The following METTL5 variants were observed in gnomAD, a reference collection of about 807,000 sequenced individuals.
METTL5 encodes the protein methyltransferase 5, N6-adenosine.
A neutral mutation model predicts 26.5 loss-of-function variants in METTL5; 28 were observed. That is an observed-to-expected ratio of 1.06 (90% CI 0.78 to 1.45). METTL5 has a LOEUF of 1.45. METTL5 is among the 40% of genes most tolerant of loss of function. METTL5 has a pLI of 0.00. For synonymous variants in METTL5, 86 were observed against 82.6 expected (o/e 1.04, Z -0.22); for missense variants, 231 against 249.9 (o/e 0.92, Z 0.51).
intron 4 of METTL5, among the ~76,000 whole-genome samples, chr2:169,819,031 C>G (rs1355679182): frequency 6.6e-6 from 1 of 152,240 alleles, no homozygotes; most frequent in Non-Finnish European, 1.5e-5. Context: ...CTGTTCCTAA[C>G]TATTGTGTTA....
chr2:169,818,239 T>C (rs775909091), intron 4 of METTL5, among the ~76,000 whole-genome samples: 9 of 152,236 alleles, frequency 5.9e-5, no homozygotes, highest in Non-Finnish European at 1.0e-4. Context: ...ACATGTGTTA[T>C]CAATAATTCA....
intron 4 of METTL5, among the ~76,000 whole-genome samples, chr2:169,817,008 A>G (rs1006693693): frequency 2.0e-5 from 3 of 152,244 alleles, no homozygotes; most frequent in African/African-American, 4.8e-5. Flanking sequence ...GGCAGCCTAC[A>G]GAATGGGAGA....
At chr2:169,815,638 A>G (rs1280734641) in intron 4 of METTL5, 110 bp from the exon 5 acceptor site, 6 of 692,344 alleles carry the variant, frequency 8.7e-6, no homozygotes, top group Non-Finnish European at 1.4e-5. Flanking sequence ...TTTCATTAGA[A>G]TCTAGACCCT....
intron 5 of METTL5, 192 bp from the exon 6 acceptor site, chr2:169,812,698 T>A (rs536987823): frequency 2.3e-5 from 13 of 573,132 alleles, no homozygotes; most frequent in Non-Finnish European, 3.9e-5. Context: ...GCATTTCTGT[T>A]ATTATGGCCA....
chr2:169,813,996 T>C (rs1372818890), intron 5 of METTL5, among the ~76,000 whole-genome samples: 1 of 152,176 alleles, frequency 6.6e-6, no homozygotes, highest in African/African-American at 2.4e-5. Context: ...TGTTAGTTTA[T>C]TATTGTGAAA....
intron 6 of METTL5, 103 bp from the exon 7 acceptor site, chr2:169,811,961 C>G (rs1225526640): frequency 7.6e-5 from 99 of 1,303,882 alleles, no homozygotes; most frequent in Non-Finnish European, 1.0e-4. Flanking sequence ...TCAGATGATT[C>G]AAATATCAAA....
chr2:169,813,561 A>G (rs1200608104), intron 5 of METTL5, among the ~76,000 whole-genome samples: 1 of 151,870 alleles, frequency 6.6e-6, no homozygotes, highest in Non-Finnish European at 1.5e-5. Flanking sequence ...ACTGCATATA[A>G]TACCTAAAAC....
At chr2:169,815,643 G>A (rs1201909835) in intron 4 of METTL5, 115 bp from the exon 5 acceptor site, 12 of 673,480 alleles carry the variant, frequency 1.8e-5, no homozygotes, top group Non-Finnish European at 2.9e-5. Flanking sequence ...TTAGAATCTA[G>A]ACCCTTATAA....
At chr2:169,813,444 C>T (rs1031552366) in intron 5 of METTL5, among the ~76,000 whole-genome samples, 1 of 151,248 alleles carries the variant, frequency 6.6e-6, no homozygotes, top group East Asian at 2.0e-4. Context: ...TTCTTTATTT[C>T]TAACAAGGAA....
rs1198692958 is a variant in METTL5, at chr2:169,824,802, C to T, written c.-205G>A. ...CCCACCTCCCGGCTAACCCAAGCCG[C>T]CCCAGGAGACGGCGGCGGCGCACTG... On this transcript the variant is annotated 5_prime_UTR_variant, in exon 1 of 7. Coordinates refer to ENST00000260953, the MANE Select transcript of METTL5 (RefSeq NM_014168.4). 1 of 489,864 alleles carries T rather than the reference C, an allele frequency of 2.0e-6. No homozygotes were observed. The highest frequency in any genetic ancestry group is 2.5e-5 in the South Asian group (1 of 40,506). The allele number at this position is 489,864 out of a possible 1,614,324, so 30.3% of individuals were successfully genotyped here. A position where few individuals can be genotyped will look rare whatever the true frequency, so the allele number is the denominator to read the frequency against.
chr2:169,812,633 T>TTTAAC, intron 5 of METTL5, 127 bp from the exon 6 acceptor site: 2 of 1,012,554 alleles, frequency 2.0e-6, no homozygotes, highest in Non-Finnish European at 2.8e-6. Flanking sequence ...TTTTAGAACC[T>TTTAAC]TTAACTTATC....
intron 4 of METTL5, among the ~76,000 whole-genome samples, chr2:169,818,320 C>T (rs933004052): frequency 2.6e-5 from 4 of 152,182 alleles, no homozygotes; most frequent in African/African-American, 7.2e-5. Context: ...CCCTGGTTTA[C>T]CCCATTCTCT....
At chr2:169,817,145 AAAG>A (rs2081519962) in intron 4 of METTL5, among the ~76,000 whole-genome samples, 1 of 152,228 alleles carries the variant, frequency 6.6e-6, no homozygotes, top group Non-Finnish European at 1.5e-5. Context: ...ACACTTCCCA[AAAG>A]AAGACATTTA....
At chr2:169,823,094 C>G (rs2081606679) in intron 1 of METTL5, among the ~76,000 whole-genome samples, 2 of 152,074 alleles carry the variant, frequency 1.3e-5, no homozygotes, top group African/African-American at 4.8e-5. Context: ...AAGCAATTCT[C>G]CTGCCTTAGT....
Position 169,822,048 on chromosome 2 carries a change from A to C in METTL5, c.119T>G (p.Leu40Arg). 6.2e-7 allele frequency: 1 copy of C among 1,601,288 alleles called. No homozygotes were observed. The highest frequency in any genetic ancestry group is 8.5e-7 in the Non-Finnish European group (1 of 1,177,456). ...ATCATAAGTGTTATGGATTGTATAG[A>C]GCATACATGCTAAAAAATAAAAAAA... ...PTRPHIAACM[L>R]YTIHNTYDDI... Residue 40 changes from leucine to arginine, a missense_variant, in exon 2 of 7, where the codon CTC becomes CGC. Coordinates refer to ENST00000260953, the MANE Select transcript of METTL5 (RefSeq NM_014168.4).
At chr2:169,820,009 GTGCAATAGCA>G (rs1460840018) in intron 3 of METTL5, among the ~76,000 whole-genome samples, 1 of 151,308 alleles carries the variant, frequency 6.6e-6, no homozygotes, top group African/African-American at 2.4e-5. Context: ...CCAGGCTGGA[GTGCAATAGCA>G]TGATCTCAGC....
At chr2:169,824,053 G>T (rs1286021538) in intron 1 of METTL5, 1 of 159,044 alleles carries the variant, frequency 6.3e-6, no homozygotes, top group Non-Finnish European at 1.4e-5. Flanking sequence ...TCATTTCTAG[G>T]GCAGAGTATA....
At chr2:169,822,943 C>T (rs1334995275) in intron 1 of METTL5, among the ~76,000 whole-genome samples, 1 of 152,140 alleles carries the variant, frequency 6.6e-6, no homozygotes, top group African/African-American at 2.4e-5. Flanking sequence ...TATCTGAACC[C>T]AGCAAGGACT....
intron 1 of METTL5, among the ~76,000 whole-genome samples, chr2:169,822,585 CAT>C (rs1263786405): frequency 6.6e-6 from 1 of 152,072 alleles, no homozygotes; most frequent in Non-Finnish European, 1.5e-5. Flanking sequence ...ATCACAAAGA[CAT>C]AGAATCTTTT....
Sources: gnomAD v4.1 joint callset for allele counts (sites outside exome capture counted in the v4.1 genomes callset) on GRCh38, gnomAD v4.1.1 for gene constraint, MANE v1.5 for transcripts, NCBI Gene and HGNC (gene_info 2026-07-23, HGNC 2026-07-21) for gene names.